Variants in FAM83B observed in about 807,000 individuals in gnomAD.
The protein encoded by FAM83B is scaffolding CK1 anchoring protein B.
Under a neutral mutation model 38.8 loss-of-function variants are expected in FAM83B, and 26 were observed. That is an observed-to-expected ratio of 0.67 (90% CI 0.49 to 0.93). The LOEUF (loss-of-function observed/expected upper bound fraction) is 0.93, where lower values mean the gene tolerates loss of function less well. FAM83B is among the 40% of genes least tolerant of loss of function. The pLI is 0.00. For missense variants in FAM83B, 1,237 were observed against 1,197.3 expected (o/e 1.03, Z -0.49); for synonymous variants, 419 against 423.1 (o/e 0.99, Z 0.12).
At chr6:54,872,480 T>G (rs1051915567) in intron 2 of FAM83B, among the ~76,000 whole-genome samples, 2 of 152,230 alleles carry the variant, frequency 1.3e-5, no homozygotes, top group East Asian at 3.8e-4. Flanking sequence ...GAAATCCATT[T>G]TTGAAAATAC....
At chr6:54,918,066 AAATTGAG>A (rs1242395505) in intron 2 of FAM83B, among the ~76,000 whole-genome samples, 17 of 152,144 alleles carry the variant, frequency 1.1e-4, no homozygotes, top group Non-Finnish European at 2.4e-4. Flanking sequence ...TTCAATAATA[AAATTGAG>A]AATGAAGGAA....
chr6:54,941,546 G>A lies in FAM83B; in HGVS notation c.2575G>A (p.Ala859Thr), dbSNP rs748160429. The A allele has an allele frequency of 6.2e-7, 1 of 1,614,026 alleles. No individual in the cohort carries two copies. The highest frequency in any genetic ancestry group is 8.5e-7 in the Non-Finnish European group (1 of 1,179,988). The change falls in exon 5 of 5, where the codon GCT (alanine) becomes ACT (threonine). Residue 859 changes from alanine (A) to threonine (T), a missense_variant. Coordinates refer to ENST00000306858, the MANE Select transcript of FAM83B (RefSeq NM_001010872.3). ...VTVSPSQEIN[A>T]PPDENKRTPS... ...AGTTAGCCCATCTCAAGAGATAAATGCTCCACCAGATGAAAATAAAAGAAC... is the reference window on the plus strand; with the variant it reads ...AGTTAGCCCATCTCAAGAGATAAATACTCCACCAGATGAAAATAAAAGAAC...
intron 2 of FAM83B, among the ~76,000 whole-genome samples, chr6:54,895,579 G>C: frequency 6.6e-6 from 1 of 152,062 alleles, no homozygotes; most frequent in East Asian, 1.9e-4. Context: ...TACATATCAA[G>C]CATCATATAT....
At chr6:54,881,536 C>T (rs939802811) in intron 2 of FAM83B, among the ~76,000 whole-genome samples, 9 of 151,524 alleles carry the variant, frequency 5.9e-5, no homozygotes, top group South Asian at 2.1e-4. Context: ...ATCCAATATA[C>T]GCTGCTGAAA....
chr6:54,867,424 C>T (rs571845981), intron 1 of FAM83B, among the ~76,000 whole-genome samples: 2 of 152,006 alleles, frequency 1.3e-5, no homozygotes, highest in South Asian at 2.1e-4. Flanking sequence ...ATCTCTAAAC[C>T]GTGGCTGGAA....
At position 54,927,508 on chromosome 6, in the gene FAM83B, A is replaced by T. The variant is rs372856907; in HGVS notation, c.610A>T (p.Asn204Tyr). Residue 204 changes from asparagine (N) to tyrosine (Y), a missense_variant and splice_region_variant, in exon 4 of 5, where the codon AAT becomes TAT. By Grantham distance (143) the Asn-to-Tyr change is moderately radical. Coordinates refer to ENST00000306858, the MANE Select transcript of FAM83B (RefSeq NM_001010872.3). ...KQGCSVQRLR[N>Y]IRVRTVKGQD... Reference sequence around the variant, plus strand: ...GCTTTTTATTTACATATAATTCTAGAATATTCGAGTGCGAACAGTAAAAGG... The same window carrying T: ...GCTTTTTATTTACATATAATTCTAGTATATTCGAGTGCGAACAGTAAAAGG... 7 of 1,592,510 alleles carry T rather than the reference A, an allele frequency of 4.4e-6. No homozygotes were observed. In the African/African-American group the frequency reaches 9.4e-5, roughly 21 times the overall value.
Position 54,943,846 on chromosome 6 carries a change from A to G in FAM83B, c.*1839A>G, listed in dbSNP as rs1268176836. 6.6e-6 allele frequency: 1 copy of G among 152,216 alleles called. No homozygotes were observed. The highest frequency in any genetic ancestry group is 1.5e-5 in the Non-Finnish European group (1 of 68,034). 9.4% of individuals were successfully genotyped at this position (152,216 alleles called of 1,614,324 possible). ...AAATTATATAAAGAGTAGAAGTTTA[A>G]TCATGTTTAATTACAACCAAAAGCC... is the stretch of plus-strand genomic sequence containing the variant. On this transcript the variant is annotated 3_prime_UTR_variant, in exon 5 of 5. Coordinates refer to ENST00000306858, the MANE Select transcript of FAM83B (RefSeq NM_001010872.3).
At chr6:54,926,815 C>T (rs1234616010) in intron 3 of FAM83B, among the ~76,000 whole-genome samples, 1 of 152,060 alleles carries the variant, frequency 6.6e-6, no homozygotes, top group African/African-American at 2.4e-5. Flanking sequence ...TCACTGCTAC[C>T]TCCGCCTCCC....
rs112174455 is a variant in FAM83B, at chr6:54,926,641, A to C, written c.609+106A>C. 15 of 807,876 alleles carry C rather than the reference A, an allele frequency of 1.9e-5. No homozygotes were observed. The African/African-American group carries it at 1.9e-4, about 10-fold the overall frequency. 50.0% of individuals were successfully genotyped at this position (807,876 alleles called of 1,614,324 possible). On this transcript the variant is annotated intron_variant, in intron 3 of 4. Transcript: ENST00000306858. ...ATGAATATAAAACTGAAAAACAAAA[A>C]AAAATACGTATTTAAGGTTATGGAA...
chr6:54,848,112 G>A (rs1346137393), intron 1 of FAM83B, among the ~76,000 whole-genome samples: 1 of 151,526 alleles, frequency 6.6e-6, no homozygotes, highest in Non-Finnish European at 1.5e-5. Flanking sequence ...GAGTGGGGGT[G>A]GGGGTGGCGG....
intron 3 of FAM83B, 24 bp from the exon 4 acceptor site, chr6:54,927,484 C>T (rs1392597277): frequency 2.6e-6 from 4 of 1,521,772 alleles, no homozygotes; most frequent in Admixed American, 1.8e-5. Flanking sequence ...ATAATGTCTG[C>T]TTTTTATTTA....
At chr6:54,914,527 C>T (rs1772990668) in intron 2 of FAM83B, among the ~76,000 whole-genome samples, 1 of 152,092 alleles carries the variant, frequency 6.6e-6, no homozygotes, top group Non-Finnish European at 1.5e-5. Context: ...GAACCCATCT[C>T]TCTATTAACC....
At chr6:54,879,247 C>G (rs1163516374) in intron 2 of FAM83B, among the ~76,000 whole-genome samples, 1 of 152,034 alleles carries the variant, frequency 6.6e-6, no homozygotes, top group African/African-American at 2.4e-5. Flanking sequence ...CAGTCCTGAC[C>G]CTGAGGACCT....
At chr6:54,850,809 A>G (rs1415375984) in intron 1 of FAM83B, among the ~76,000 whole-genome samples, 2 of 152,110 alleles carry the variant, frequency 1.3e-5, no homozygotes, top group Non-Finnish European at 2.9e-5. Context: ...TCACAAGGTC[A>G]GGAGTTTAAG....
intron 2 of FAM83B, among the ~76,000 whole-genome samples, chr6:54,877,627 A>G (rs1444414337): frequency 6.6e-6 from 1 of 152,238 alleles, no homozygotes; most frequent in African/African-American, 2.4e-5. Flanking sequence ...TTTAGTAACA[A>G]TATCAGGTAA....
At chr6:54,927,382 A>T in intron 3 of FAM83B, 126 bp from the exon 4 acceptor site, 1 of 609,068 alleles carries the variant, frequency 1.6e-6, no homozygotes, top group Admixed American at 3.5e-5. Flanking sequence ...AATATTTGGG[A>T]GTTTTTTTTT....
At chr6:54,938,496 T>C (rs1773570089) in intron 4 of FAM83B, among the ~76,000 whole-genome samples, 1 of 152,152 alleles carries the variant, frequency 6.6e-6, no homozygotes, top group Non-Finnish European at 1.5e-5. Context: ...AGTGTAAAAA[T>C]GTTCTCTTTT....
Position 54,941,703 on chromosome 6 carries a change from G to C in FAM83B, c.2732G>C (p.Arg911Thr), listed in dbSNP as rs1481422457. 9 of 1,614,084 alleles carry C rather than the reference G, an allele frequency of 5.6e-6. No individual in the cohort carries two copies. Among genetic ancestry groups the C allele is most frequent in the Non-Finnish European group, 7.6e-6 (9 of 1,180,000 alleles). ...AATGCAGTTGTTACCCCTGAAAGAA[G>C]ACCTACTTCTTCTCCAAGGCCAACG... is the stretch of plus-strand genomic sequence containing the variant. ...EINAVVTPER[R>T]PTSSPRPTSS... is the part of the protein sequence containing the mutation. Residue 911 changes from arginine to threonine, a missense_variant, in exon 5 of 5, where the codon AGA becomes ACA. Physicochemically the swap from Arg to Thr is moderately conservative, Grantham distance 71 (BLOSUM62 -1). Coordinates refer to ENST00000306858, the MANE Select transcript of FAM83B (RefSeq NM_001010872.3).
chr6:54,893,881 ATATT>A (rs1772460228), intron 2 of FAM83B, among the ~76,000 whole-genome samples: 2 of 152,134 alleles, frequency 1.3e-5, no homozygotes, highest in African/African-American at 4.8e-5. Context: ...TGAGGTCTCA[ATATT>A]TATTACTGTA....
Sources: allele counts gnomAD v4.1 joint callset (sites outside exome capture counted in the v4.1 genomes callset), GRCh38; gene constraint gnomAD v4.1.1; transcripts MANE v1.5; gene names NCBI Gene and HGNC (gene_info 2026-07-23, HGNC 2026-07-21).